The following CLASP2 variants were observed in gnomAD, a reference collection of about 807,000 sequenced individuals.
The protein encoded by CLASP2 is CLIP-associating protein 2.
CLASP2 carries 47 observed loss-of-function variants against 194.4 expected under a neutral mutation model. That is an observed-to-expected ratio of 0.24 (90% CI 0.19 to 0.31). CLASP2 has a LOEUF of 0.31. Among genes scored for constraint, CLASP2 ranks in the 10% least tolerant of loss-of-function variants. CLASP2 has a pLI of 1.00. For synonymous variants in CLASP2, 619 were observed against 633.5 expected, an observed-to-expected ratio of 0.98 and a Z score of 0.34; for missense variants, 1,445 against 1,823.6, an observed-to-expected ratio of 0.79 and a Z score of 3.78.
intron 19 of CLASP2, among the ~76,000 whole-genome samples, chr3:33,596,040 A>G (rs2070252834): frequency 6.6e-6 from 1 of 151,982 alleles, no homozygotes; most frequent in South Asian, 2.1e-4. Flanking sequence ...ATCTTAAGTT[A>G]TTTAAAAAAG....
intron 8 of CLASP2, among the ~76,000 whole-genome samples, chr3:33,637,963 C>T (rs1403019884): frequency 2.6e-5 from 4 of 152,108 alleles, no homozygotes; most frequent in Admixed American, 1.3e-4. Context: ...TGAATGACAT[C>T]GATAGGGAAA....
At chr3:33,507,432 A>C (rs1289050119) in intron 37 of CLASP2, among the ~76,000 whole-genome samples, 1 of 152,224 alleles carries the variant, frequency 6.6e-6, no homozygotes, top group Admixed American at 6.5e-5. Flanking sequence ...CTGACAGTTA[A>C]ACTGAAGACT....
chr3:33,569,662 C>G lies in CLASP2; in HGVS notation c.2763+1065G>C, dbSNP rs6771357. Among the ~76,000 whole-genome samples the G allele has an allele frequency of 9.4e-3, 1,429 of 152,132 alleles. 29 individuals are homozygous for G. Among genetic ancestry groups the G allele is most frequent in the African/African-American group, 0.032 (1,347 of 41,532 alleles). On this transcript the variant is annotated intron_variant, in intron 26 of 38. Coordinates refer to ENST00000682230, the MANE Select transcript of CLASP2 (RefSeq NM_001365631.1). ...TTAAAAGATTTTAGTAAACTGCTTACCAAATGTATTTTCTTCTTTGTCTTT... is the reference window on the plus strand; with the variant it reads ...TTAAAAGATTTTAGTAAACTGCTTAGCAAATGTATTTTCTTCTTTGTCTTT...
At chr3:33,592,372 G>A in intron 21 of CLASP2, 23 bp downstream of exon 21, 2 of 1,489,084 alleles carry the variant, frequency 1.3e-6, no homozygotes. Context: ...ACAAATATAG[G>A]AGGGCTGATA....
chr3:33,501,644 C>G lies in CLASP2; in HGVS notation c.4434+8G>C, dbSNP rs771373712. 1 of 1,552,538 alleles carries G rather than the reference C, an allele frequency of 6.4e-7. No individual in the cohort carries two copies. Among genetic ancestry groups the G allele is most frequent in the East Asian group, 2.2e-5 (1 of 44,576 alleles). On this transcript the variant is annotated splice_region_variant and intron_variant, in intron 38 of 38. Coordinates refer to ENST00000682230, the MANE Select transcript of CLASP2 (RefSeq NM_001365631.1). ...CCACCATCTCTAAAACACAGCAGCA[C>G]TACTTACTTTACTGCCAGTAAGTTG... is the stretch of plus-strand genomic sequence containing the variant.
intron 37 of CLASP2, among the ~76,000 whole-genome samples, chr3:33,509,888 A>G (rs1490307243): frequency 6.6e-6 from 1 of 152,212 alleles, no homozygotes; most frequent in Non-Finnish European, 1.5e-5. Flanking sequence ...GAAATCTGGC[A>G]ACACCCAGAA....
chr3:33,645,456 C>T (rs2082115793), intron 7 of CLASP2: 5 of 663,426 alleles, frequency 7.5e-6, no homozygotes, highest in East Asian at 2.5e-5. Flanking sequence ...AGGTTTGTGC[C>T]GGCATTTTTC....
At chr3:33,598,156 C>T (rs1160637614) in intron 18 of CLASP2, among the ~76,000 whole-genome samples, 3 of 151,688 alleles carry the variant, frequency 2.0e-5, no homozygotes, top group Non-Finnish European at 1.5e-5. Context: ...GACTATCTCA[C>T]AGGTCTTTTT....
At chr3:33,659,391 T>TCA in intron 7 of CLASP2, 1 of 1,030,408 alleles carries the variant, frequency 9.7e-7, no homozygotes, top group Non-Finnish European at 1.2e-6. Context: ...AGGCATGTGT[T>TCA]CAGCAATCAT....
At chr3:33,708,552 A>ATGTATATATG (rs1559704071) in intron 1 of CLASP2, among the ~76,000 whole-genome samples, 6 of 130,016 alleles carry the variant, frequency 4.6e-5, no homozygotes, top group African/African-American at 1.7e-4. Flanking sequence ...ATGTATATAT[A>ATGTATATATG]TATATATATA....
chr3:33,575,203 T>C (rs1031248704), intron 24 of CLASP2, among the ~76,000 whole-genome samples: 12 of 152,148 alleles, frequency 7.9e-5, no homozygotes, highest in African/African-American at 2.9e-4. Context: ...TATATTAATT[T>C]ATAAAAAATA....
chr3:33,621,310 A>G (rs965933941), intron 11 of CLASP2, among the ~76,000 whole-genome samples: 4 of 152,120 alleles, frequency 2.6e-5, no homozygotes, highest in African/African-American at 9.7e-5. Context: ...AGAGCTAGTC[A>G]TGTTTTAAGT....
At chr3:33,508,818 T>C (rs1019247357) in intron 37 of CLASP2, among the ~76,000 whole-genome samples, 1 of 152,264 alleles carries the variant, frequency 6.6e-6, no homozygotes, top group African/African-American at 2.4e-5. Context: ...GTTTTTAAAG[T>C]ATCAATATAA....
intron 27 of CLASP2, among the ~76,000 whole-genome samples, chr3:33,561,841 C>A (rs2061840115): frequency 6.6e-6 from 1 of 151,988 alleles, no homozygotes; most frequent in Non-Finnish European, 1.5e-5. Context: ...GAAGAAAAAA[C>A]TGTCAGCCAT....
chr3:33,623,781 G>T (rs916404064), intron 10 of CLASP2, among the ~76,000 whole-genome samples: 2 of 151,986 alleles, frequency 1.3e-5, no homozygotes, highest in African/African-American at 4.8e-5. Flanking sequence ...TTTTCTTTTG[G>T]ATATATACCC....
Position 33,644,798 on chromosome 3 carries a change from C to T in CLASP2, c.821G>A (p.Ser274Asn), listed in dbSNP as rs978086763. The change falls in exon 8 of 39, where the codon AGT becomes AAT. Residue 274 changes from serine (S) to asparagine (N), a missense_variant. Around this residue, in one of 4 missense-constraint regions of CLASP2, gnomAD observed 207 missense variants for 331.4 expected, o/e 0.62. Transcript: ENST00000682230. ...APKTSGNPAN[S>N]ARKPGSAGGP... is the part of the protein sequence containing the mutation. ...ACCTGCTGAACCAGGCTTCCTTGCA[C>T]TGTTGGCAGGATTTCCGGATGTTTT... The T allele has an allele frequency of 2.5e-6, 4 of 1,613,402 alleles. No individual in the cohort carries two copies. Among genetic ancestry groups the T allele is most frequent in the Non-Finnish European group, 3.4e-6 (4 of 1,179,672 alleles).
chr3:33,513,788 T>C (rs2154095881), intron 36 of CLASP2, among the ~76,000 whole-genome samples: 1 of 152,310 alleles, frequency 6.6e-6, no homozygotes, highest in South Asian at 2.1e-4. Context: ...TTGTATATCT[T>C]TGGAGAAATG....
At chr3:33,534,548 C>A (rs1576030887) in intron 34 of CLASP2, among the ~76,000 whole-genome samples, 1 of 152,212 alleles carries the variant, frequency 6.6e-6, no homozygotes, top group South Asian at 2.1e-4. Context: ...GACTGGGCAA[C>A]AGAGTGACAC....
intron 29 of CLASP2, among the ~76,000 whole-genome samples, chr3:33,551,969 A>T (rs1237959270): frequency 6.6e-6 from 1 of 150,716 alleles, no homozygotes; most frequent in Non-Finnish European, 1.5e-5. Flanking sequence ...TAAAACACAG[A>T]CTCACACAAT....
Sources: allele counts gnomAD v4.1 joint callset (sites outside exome capture counted in the v4.1 genomes callset), GRCh38; gene constraint gnomAD v4.1.1; regional missense constraint gnomAD v4.1.1; transcripts MANE v1.5; gene names NCBI Gene and HGNC (gene_info 2026-07-23, HGNC 2026-07-21).